The following PPP2R5C variants were observed in gnomAD, a reference collection of about 807,000 sequenced individuals.
PPP2R5C encodes protein phosphatase 2 regulatory subunit B'gamma.
Under a neutral mutation model 68.9 loss-of-function variants are expected in PPP2R5C, and 7 were observed. The ratio of observed to expected loss-of-function variants is 0.10; its 90% CI spans 0.06 to 0.19. The LOEUF (loss-of-function observed/expected upper bound fraction) is 0.19, where lower values mean the gene tolerates loss of function less well. PPP2R5C is among the 10% of genes least tolerant of loss of function. The probability of loss-of-function intolerance (pLI) is 1.00; values close to 1 mark genes in which losing one functional copy is unlikely to be tolerated. For synonymous variants in PPP2R5C, 210 were observed against 222.2 expected, an observed-to-expected ratio of 0.95 and a Z score of 0.49; for missense variants, 348 against 641.3, an observed-to-expected ratio of 0.54 and a Z score of 4.94.
intron 1 of PPP2R5C, among the ~76,000 whole-genome samples, chr14:101,854,041 G>C (rs533466858): frequency 1.3e-5 from 2 of 152,118 alleles, no homozygotes; most frequent in Non-Finnish European, 2.9e-5. Flanking sequence ...AAGCAAAGAG[G>C]TAATTCCAAA....
intron 1 of PPP2R5C, among the ~76,000 whole-genome samples, chr14:101,832,999 G>C (rs1369580121): frequency 6.6e-6 from 1 of 152,210 alleles, no homozygotes; most frequent in Non-Finnish European, 1.5e-5. Context: ...AGGTTGCAGT[G>C]TGAACACTAG....
chr14:101,800,879 T>G (rs776833000), intron 3 of PPP2R5C, among the ~76,000 whole-genome samples: 15 of 152,216 alleles, frequency 9.9e-5, no homozygotes, highest in Admixed American at 3.3e-4. Flanking sequence ...CAATGGAATA[T>G]TATTCAGCCA....
intron 13 of PPP2R5C, among the ~76,000 whole-genome samples, chr14:101,919,969 CAAAAA>C: frequency 1.9e-5 from 1 of 52,878 alleles, no homozygotes; most frequent in South Asian, 7.9e-4. Flanking sequence ...AACTCCGTCT[CAAAAA>C]AAAAAAAAAA....
At chr14:101,805,335 G>A (rs1163333174), upstream of PPP2R5C, among the ~76,000 whole-genome samples, 2 of 152,204 alleles carry the variant, frequency 1.3e-5, no homozygotes, top group Admixed American at 6.5e-5. Context: ...CAAAGAAAGC[G>A]CTGGGATTAC....
chr14:101,880,106 C>T (rs937197083), intron 2 of PPP2R5C, among the ~76,000 whole-genome samples: 5 of 152,136 alleles, frequency 3.3e-5, no homozygotes, highest in African/African-American at 1.2e-4. Flanking sequence ...CTTGCAGTGC[C>T]CTATACACAC....
chr14:101,900,512 C>T (rs2045621067), intron 8 of PPP2R5C, among the ~76,000 whole-genome samples: 1 of 152,222 alleles, frequency 6.6e-6, no homozygotes, highest in African/African-American at 2.4e-5. Context: ...CTCTAACGCA[C>T]CGGATTGCAC....
At chr14:101,884,376 C>T (rs530209276) in intron 5 of PPP2R5C, among the ~76,000 whole-genome samples, 1 of 152,226 alleles carries the variant, frequency 6.6e-6, no homozygotes, top group Non-Finnish European at 1.5e-5. Context: ...CAATACTTTG[C>T]ATCCTTCAAT....
chr14:101,794,412 T>C (rs1235981525), intron 3 of PPP2R5C, among the ~76,000 whole-genome samples: 11 of 152,214 alleles, frequency 7.2e-5, no homozygotes, highest in Admixed American at 2.6e-4. Flanking sequence ...TTTATTTATT[T>C]ATTTTAGAGA....
At position 101,915,429 on chromosome 14, in the gene PPP2R5C, G is replaced by A. The variant is rs940925166; in HGVS notation, c.1327-2402G>A. Among the ~76,000 whole-genome samples the A allele has an allele frequency of 7.2e-5, 11 of 152,154 alleles. No individual in the cohort carries two copies. Among genetic ancestry groups the A allele is most frequent in the African/African-American group, 2.4e-4 (10 of 41,444 alleles). On this transcript the variant is annotated intron_variant, in intron 12 of 13. Coordinates refer to ENST00000334743, the Ensembl canonical transcript of PPP2R5C. This position sits in a 1 kb window ranked among gnomAD's most constrained non-coding sequence, Gnocchi z 4.2. ...TCAGAACCCTCTCCTGCCAGTGCCC[G>A]CTGTGTGAGGTTTATTTTGCTGTGA...
chr14:101,861,419 T>C (rs186429811), intron 2 of PPP2R5C, among the ~76,000 whole-genome samples: 44 of 152,314 alleles, frequency 2.9e-4, no homozygotes, highest in African/African-American at 9.9e-4. Flanking sequence ...AAGACTTTAA[T>C]TGACTTTTTC....
chr14:101,791,086 A>G (rs1200256680), intron 3 of PPP2R5C, among the ~76,000 whole-genome samples: 2 of 152,342 alleles, frequency 1.3e-5, no homozygotes, highest in Middle Eastern at 3.4e-3. Flanking sequence ...TCTCAAAAAA[A>G]GAAAAAAGAA....
At chr14:101,868,639 G>C (rs1187509601) in intron 2 of PPP2R5C, among the ~76,000 whole-genome samples, 2 of 152,144 alleles carry the variant, frequency 1.3e-5, no homozygotes, top group Non-Finnish European at 2.9e-5. Context: ...GTAAAGCTGG[G>C]TGTTTTCAGA....
rs2037717221 is a variant in PPP2R5C, at chr14:101,781,899, G to A, written c.94-4119G>A. ...GTACCGGAGCGGCACCCAGGAGCCC[G>A]CCCTAGCACCCGCTCCCGCTCCCAC... On this transcript the variant is annotated intron_variant, in intron 2 of 14. Coordinates refer to the PPP2R5C transcript ENST00000328724. The surrounding 1 kb of genome is among the most constrained non-coding windows in gnomAD (Gnocchi z 6.4). Among the ~76,000 whole-genome samples, 1 of 151,786 alleles carries A rather than the reference G, an allele frequency of 6.6e-6. No individual in the cohort carries two copies. The highest frequency in any genetic ancestry group is 2.1e-4 in the South Asian group (1 of 4,816).
rs561572974 is a variant in PPP2R5C, at chr14:101,878,398, G to A, written c.295-3763G>A. On this transcript the variant is annotated intron_variant, in intron 2 of 13. Coordinates refer to ENST00000334743, the Ensembl canonical transcript of PPP2R5C. ...GCTCAGCATCAAGGATTCAGTGAGT[G>A]TGCAGGTGTTTGAGACGGGGCCTAG... Among the ~76,000 whole-genome samples the A allele has an allele frequency of 2.0e-5, 3 of 152,362 alleles. No homozygotes were observed. The South Asian group carries it at 6.2e-4, about 32-fold the overall frequency.
chr14:101,796,813 A>G (rs376733389), intron 3 of PPP2R5C: 1 of 230,564 alleles, frequency 4.3e-6, no homozygotes, highest in Non-Finnish European at 8.8e-6. Flanking sequence ...CTTCTTGGAC[A>G]TTCCCGTCCT....
intron 1 of PPP2R5C, chr14:101,823,669 C>G: frequency 1.3e-6 from 1 of 781,120 alleles, no homozygotes; most frequent in African/African-American, 1.9e-5. Flanking sequence ...GAGAGGTTCT[C>G]CAACTTGTCT....
At chr14:101,816,384 GA>G (rs1213709604) in intron 1 of PPP2R5C, among the ~76,000 whole-genome samples, 2 of 152,200 alleles carry the variant, frequency 1.3e-5, no homozygotes, top group African/African-American at 4.8e-5. Flanking sequence ...ACAGCAGGTA[GA>G]AGTCTGGCTT....
intron 1 of PPP2R5C, among the ~76,000 whole-genome samples, chr14:101,837,627 G>A (rs1330714976): frequency 1.3e-5 from 2 of 152,184 alleles, no homozygotes; most frequent in African/African-American, 4.8e-5. Flanking sequence ...GAAGAGCTTC[G>A]TCGCTCAAGC....
intron 1 of PPP2R5C, among the ~76,000 whole-genome samples, chr14:101,816,831 T>A (rs1354013941): frequency 6.8e-6 from 1 of 147,078 alleles, no homozygotes; most frequent in Non-Finnish European, 1.5e-5. Flanking sequence ...GATTTTAACT[T>A]TTTCATAATG....
Sources: allele counts gnomAD v4.1 joint callset (sites outside exome capture counted in the v4.1 genomes callset), GRCh38; gene constraint gnomAD v4.1.1; non-coding constraint Gnocchi (gnomAD v3.1); transcripts MANE v1.5; gene names NCBI Gene and HGNC (gene_info 2026-07-23, HGNC 2026-07-21).